Variants in SH3RF3 observed in about 807,000 individuals in gnomAD.
SH3RF3 encodes the protein SH3 domain containing ring finger 3.
In SH3RF3, 29 loss-of-function variants were observed where a neutral mutation model predicts 66.3. The observed-to-expected ratio is 0.44, with a 90% CI of 0.33 to 0.60. The LOEUF (loss-of-function observed/expected upper bound fraction) is 0.60. Among genes scored for constraint, SH3RF3 ranks in the 20% least tolerant of loss-of-function variants. SH3RF3 has a pLI of 0.04. For missense variants in SH3RF3, 1,194 were observed against 1,190.9 expected, an observed-to-expected ratio of 1.00 and a Z score of -0.04; for synonymous variants, 583 against 532.0, an observed-to-expected ratio of 1.10 and a Z score of -1.32.
At chr2:109,352,790 C>G (rs953813047) in intron 2 of SH3RF3, among the ~76,000 whole-genome samples, 1 of 152,236 alleles carries the variant, frequency 6.6e-6, no homozygotes, top group Non-Finnish European at 1.5e-5. Flanking sequence ...TCGCAGGGCA[C>G]GGGGCAGAGG....
At chr2:109,255,530 C>A (rs1452357103) in intron 1 of SH3RF3, among the ~76,000 whole-genome samples, 1 of 152,156 alleles carries the variant, frequency 6.6e-6, no homozygotes, top group African/African-American at 2.4e-5. Context: ...GCAAATAACC[C>A]CATCAAAATC....
chr2:109,213,123 T>G (rs1263295601), intron 1 of SH3RF3, among the ~76,000 whole-genome samples: 1 of 152,204 alleles, frequency 6.6e-6, no homozygotes, highest in African/African-American at 2.4e-5. Flanking sequence ...TGCTCTGGGC[T>G]GCAAGTCATG....
chr2:109,194,041 T>C (rs1678434681), intron 1 of SH3RF3, among the ~76,000 whole-genome samples: 1 of 152,218 alleles, frequency 6.6e-6, no homozygotes, highest in South Asian at 2.1e-4. Flanking sequence ...CTGTTCTGCC[T>C]GTGTGTGTGC....
rs1050276411 is a variant in SH3RF3 at position 109,501,753 on chromosome 2, G to A, written c.*82G>A. 12 of 671,836 alleles carry A rather than the reference G, an allele frequency of 1.8e-5. No individual in the cohort carries two copies. Among genetic ancestry groups the A allele is most frequent in the Non-Finnish European group, 3.0e-5 (11 of 366,260 alleles). 41.6% of individuals were successfully genotyped at this position (671,836 alleles called of 1,614,324 possible). A position where few individuals can be genotyped will look rare whatever the true frequency, so the allele number is the denominator to read the frequency against. ...CGGCACACAGAGAGGGAGCCATGGC[G>A]CCCCAAGGGTTCCAGGTCATCTCCA... On this transcript the variant is annotated 3_prime_UTR_variant, in exon 10 of 10. Transcript: ENST00000309415.
chr2:109,214,177 G>C (rs1398647454), intron 1 of SH3RF3, among the ~76,000 whole-genome samples: 1 of 152,212 alleles, frequency 6.6e-6, no homozygotes, highest in African/African-American at 2.4e-5. Flanking sequence ...TGGAGGTGAG[G>C]CTAAGACGCA....
At chr2:109,169,694 A>C (rs183724550) in intron 1 of SH3RF3, among the ~76,000 whole-genome samples, 125 of 152,052 alleles carry the variant, frequency 8.2e-4, no homozygotes, top group African/African-American at 2.2e-3. Context: ...GTTTGGCTAT[A>C]TCTCTCTCTC....
intron 1 of SH3RF3, among the ~76,000 whole-genome samples, chr2:109,215,489 G>A (rs553886023): frequency 4.2e-4 from 64 of 151,972 alleles, no homozygotes; most frequent in Admixed American, 1.3e-3. Flanking sequence ...GGAGGTAGCC[G>A]GGCCCTGATT....
rs77243060 is a variant in SH3RF3 at position 109,177,822 on chromosome 2, T to G, written c.573+47709T>G. On this transcript the variant is annotated intron_variant, in intron 1 of 9. Transcript: ENST00000309415. ...ATTAGACAAGGCAATTTGTTTGATTTATTCTGGCCAACTGCCAGATGGCTT... is the reference window on the plus strand; with the variant it reads ...ATTAGACAAGGCAATTTGTTTGATTGATTCTGGCCAACTGCCAGATGGCTT... Among the ~76,000 whole-genome samples, 16 of 152,362 alleles carry G rather than the reference T, an allele frequency of 1.1e-4. No homozygotes were observed. In the East Asian group the frequency reaches 3.1e-3, roughly 29 times the overall value.
intron 1 of SH3RF3, among the ~76,000 whole-genome samples, chr2:109,134,556 G>A (rs1197356562): frequency 1.3e-5 from 2 of 152,202 alleles, no homozygotes; most frequent in African/African-American, 2.4e-5. Flanking sequence ...GGGTTGAGCG[G>A]TGTTTTAAGT....
chr2:109,419,581 C>G lies in SH3RF3; in HGVS notation c.1342C>G (p.Arg448Gly). 2 of 1,597,466 alleles carry G rather than the reference C, an allele frequency of 1.3e-6. No individual in the cohort carries two copies. Reference sequence around the variant, plus strand: ...GGGATCTACCCCCACGGCTGTCCCACGGGCTGCCTCGGTGTCTGGAGAGCA... The same window carrying G: ...GGGATCTACCCCCACGGCTGTCCCAGGGGCTGCCTCGGTGTCTGGAGAGCA... ...SAGSTPTAVP[R>G]AASVSGEQGT... is the part of the protein sequence containing the mutation. The change falls in exon 5 of 10, where the codon CGG (arginine) becomes GGG (glycine). Residue 448 changes from arginine to glycine, a missense_variant. Physicochemically the swap from Arg to Gly is moderately radical, Grantham distance 125. Transcript: ENST00000309415.
chr2:109,191,727 G>T (rs1172927543), intron 1 of SH3RF3, among the ~76,000 whole-genome samples: 2 of 152,154 alleles, frequency 1.3e-5, no homozygotes, highest in African/African-American at 4.8e-5. Flanking sequence ...GTGCTGATGC[G>T]AGGGGAAGCC....
chr2:109,464,376 A>G (rs1678283430), intron 8 of SH3RF3, among the ~76,000 whole-genome samples: 1 of 152,262 alleles, frequency 6.6e-6, no homozygotes. Flanking sequence ...ATTTATGTAT[A>G]TACATCTACA....
At chr2:109,439,793 G>C (rs1292431249) in intron 7 of SH3RF3, among the ~76,000 whole-genome samples, 2 of 151,900 alleles carry the variant, frequency 1.3e-5, no homozygotes, top group African/African-American at 2.4e-5. Context: ...TGGAAACAGA[G>C]GAAAACCAGA....
chr2:109,183,576 T>C (rs985204733), intron 1 of SH3RF3, among the ~76,000 whole-genome samples: 2 of 146,264 alleles, frequency 1.4e-5, no homozygotes, highest in African/African-American at 5.1e-5. Flanking sequence ...CTCTTCACAA[T>C]TCAGCCTTAA....
intron 8 of SH3RF3, among the ~76,000 whole-genome samples, chr2:109,449,769 A>T (rs913695679): frequency 6.6e-6 from 1 of 152,228 alleles, no homozygotes; most frequent in African/African-American, 2.4e-5. Flanking sequence ...AAAATGCCTT[A>T]GTTCCATCTG....
intron 1 of SH3RF3, among the ~76,000 whole-genome samples, chr2:109,344,801 C>T (rs1026536875): frequency 7.2e-5 from 11 of 152,212 alleles, no homozygotes; most frequent in African/African-American, 2.6e-4. Context: ...GTGGGGATTT[C>T]ATGGCCAGAG....
intron 2 of SH3RF3, 124 bp downstream of exon 2, chr2:109,348,073 G>A (rs75159957): frequency 0.01 from 13,723 of 1,333,352 alleles, 124 homozygotes; most frequent in East Asian, 0.031. Context: ...GGCTCCTCCC[G>A]GAACCCTGGG....
intron 1 of SH3RF3, among the ~76,000 whole-genome samples, chr2:109,137,775 T>TA (rs1676844645): frequency 1.3e-5 from 2 of 152,358 alleles, no homozygotes; most frequent in Non-Finnish European, 2.9e-5. Flanking sequence ...GTTTTTGCGT[T>TA]CAAAGACTAA....
intron 1 of SH3RF3, among the ~76,000 whole-genome samples, chr2:109,163,929 G>C (rs1379225069): frequency 6.6e-6 from 1 of 152,164 alleles, no homozygotes; most frequent in Non-Finnish European, 1.5e-5. Context: ...GCTAGGACTG[G>C]TTTCAGTTTT....
Sources: allele counts gnomAD v4.1 joint callset (sites outside exome capture counted in the v4.1 genomes callset), GRCh38; gene constraint gnomAD v4.1.1; transcripts MANE v1.5; gene names NCBI Gene and HGNC (gene_info 2026-07-23, HGNC 2026-07-21).